HECTD4: variants seen among roughly 807,000 people sequenced by gnomAD.
HECTD4 encodes the protein probable E3 ubiquitin-protein ligase HECTD4.
Under a neutral mutation model 471.5 loss-of-function variants are expected in HECTD4, and 114 were observed. That is an observed-to-expected ratio of 0.24 (90% CI 0.21 to 0.28). The LOEUF is 0.28. HECTD4 is among the 10% of genes least tolerant of loss of function. The pLI is 1.00. For missense variants in HECTD4, 3,866 were observed against 5,651.5 expected (o/e 0.68, Z 10.13); for synonymous variants, 2,012 against 2,256.0 (o/e 0.89, Z 3.07).
chr12:112,265,852 G>C, intron 15 of HECTD4, 26 bp downstream of exon 15: 1 of 1,527,892 alleles, frequency 6.5e-7, no homozygotes, highest in Middle Eastern at 1.7e-4. Context: ...ACAAAGGCTA[G>C]AAGTGAATAA....
At chr12:112,374,515 T>C (rs2036742940) in intron 1 of HECTD4, among the ~76,000 whole-genome samples, 1 of 152,212 alleles carries the variant, frequency 6.6e-6, no homozygotes, top group Non-Finnish European at 1.5e-5. Flanking sequence ...TGAAAGCCTG[T>C]TGGGCCTTTT....
At chr12:112,316,167 G>A (rs1473659136) in intron 2 of HECTD4, among the ~76,000 whole-genome samples, 1 of 151,970 alleles carries the variant, frequency 6.6e-6, no homozygotes, top group East Asian at 1.9e-4. Context: ...CCTGCCCACT[G>A]TGCTGTCCCC....
At position 112,322,469 on chromosome 12, in the gene HECTD4, AAG is replaced by A. The variant is rs1460622661; in HGVS notation, c.178-2729_178-2728del. The A allele has an allele frequency of 2.6e-5, 4 of 153,236 alleles. No individual in the cohort carries two copies. In the Admixed American group the frequency reaches 2.6e-4, roughly 10 times the overall value. 9.5% of individuals were successfully genotyped at this position (153,236 alleles called of 1,614,324 possible). Reference sequence around the variant, plus strand: ...GTTGAATGAAACACATCATCTACAAAAGAAGTAGGAATGGCTGCTCTGGAAAA... The same window carrying A: ...GTTGAATGAAACACATCATCTACAAAAAGTAGGAATGGCTGCTCTGGAAAA... On this transcript the variant is annotated intron_variant, in intron 1 of 75. Coordinates refer to ENST00000682272, the MANE Select transcript of HECTD4 (RefSeq NM_001388303.1).
chr12:112,258,734 C>A, intron 19 of HECTD4, 138 bp from the exon 20 acceptor site: 1 of 633,794 alleles, frequency 1.6e-6, no homozygotes, highest in Non-Finnish European at 2.6e-6. Flanking sequence ...AAATGCTGTG[C>A]TACTTAGACC....
At chr12:112,282,343 A>G (rs944173864) in intron 8 of HECTD4, among the ~76,000 whole-genome samples, 1 of 152,198 alleles carries the variant, frequency 6.6e-6, no homozygotes, top group Non-Finnish European at 1.5e-5. Flanking sequence ...AGATCGCGCC[A>G]CTGCACTCCA....
At chr12:112,242,486 G>A (rs7971355) in intron 32 of HECTD4, among the ~76,000 whole-genome samples, 2,614 of 151,670 alleles carry the variant, frequency 0.017, 27 homozygotes, top group Non-Finnish European at 0.028. Context: ...GGTGGTATGC[G>A]CCTATAGTCC....
chr12:112,357,525 A>C (rs2036363902), intron 1 of HECTD4, among the ~76,000 whole-genome samples: 1 of 152,102 alleles, frequency 6.6e-6, no homozygotes, highest in Non-Finnish European at 1.5e-5. Flanking sequence ...CAAACAAACA[A>C]ACTACTAAAG....
intron 62 of HECTD4, among the ~76,000 whole-genome samples, chr12:112,180,844 C>T (rs1000508347): frequency 6.6e-6 from 1 of 152,038 alleles, no homozygotes; most frequent in South Asian, 2.1e-4. Flanking sequence ...GTGAGCCCAC[C>T]GAGGTCTTTG....
Position 112,243,319 on chromosome 12 carries a change from G to C in HECTD4, c.4958+34C>G. The C allele has an allele frequency of 6.3e-7, 1 of 1,587,568 alleles. No individual in the cohort carries two copies. The stretch of plus-strand genomic sequence containing the variant: ...CTTTTGAATGGCTCTGACCATTCTA[G>C]AAAGGACAGTATAAACTAACAGAAA... On this transcript the variant is annotated intron_variant, in intron 32 of 75. Coordinates refer to ENST00000682272, the MANE Select transcript of HECTD4 (RefSeq NM_001388303.1). This position sits in a 1 kb window ranked among gnomAD's most constrained non-coding sequence, Gnocchi z 6.6.
At chr12:112,358,543 T>C (rs2036387827) in intron 1 of HECTD4, among the ~76,000 whole-genome samples, 1 of 152,144 alleles carries the variant, frequency 6.6e-6, no homozygotes, top group Non-Finnish European at 1.5e-5. Flanking sequence ...AAGGTACAAA[T>C]AGCATATATA....
In HECTD4 at chr12:112,184,122, T is replaced by G; in HGVS notation, c.10779+65A>C. On this transcript the variant is annotated intron_variant, in intron 61 of 75. Coordinates refer to ENST00000682272, the MANE Select transcript of HECTD4 (RefSeq NM_001388303.1). This position sits in a 1 kb window ranked among gnomAD's most constrained non-coding sequence, Gnocchi z 9.1. Reference sequence around the variant, plus strand: ...TACTAGGAAATAACTTTGGAAGATTTAAAGAGGCTTGGGGGATTGAAATGG... The same window carrying G: ...TACTAGGAAATAACTTTGGAAGATTGAAAGAGGCTTGGGGGATTGAAATGG... The G allele has an allele frequency of 2.1e-6, 3 of 1,427,768 alleles. No homozygotes were observed. Among genetic ancestry groups the G allele is most frequent in the Admixed American group, 2.1e-5 (1 of 47,754 alleles). The allele number at this position is 1,427,768 out of a possible 1,614,324, so 88.4% of individuals were successfully genotyped here.
At chr12:112,178,797 G>A in intron 64 of HECTD4, 134 bp downstream of exon 64, 1 of 1,052,002 alleles carries the variant, frequency 9.5e-7, no homozygotes. Flanking sequence ...ACTCCAGCCT[G>A]GGCGACAAAG....
intron 7 of HECTD4, among the ~76,000 whole-genome samples, chr12:112,293,285 A>T (rs1432985869): frequency 6.6e-6 from 1 of 151,084 alleles, no homozygotes; most frequent in Admixed American, 6.6e-5. Context: ...GAATCGCTTG[A>T]ACATGGGAGG....
chr12:112,311,799 G>A (rs2035377538), intron 4 of HECTD4, among the ~76,000 whole-genome samples: 1 of 152,128 alleles, frequency 6.6e-6, no homozygotes. Context: ...TTTAAAAGGA[G>A]AGAATCAAGA....
chr12:112,262,664 G>GATCA (rs2034177067), intron 17 of HECTD4, among the ~76,000 whole-genome samples: 3 of 151,538 alleles, frequency 2.0e-5, no homozygotes. Context: ...CACCCAGGCT[G>GATCA]GAGTGCAGTG....
chr12:112,243,629 A>G lies in HECTD4; in HGVS notation c.4782T>C (p.Pro1594=), dbSNP rs2033690569. 1 of 1,611,118 alleles carries G rather than the reference A, an allele frequency of 6.2e-7. No homozygotes were observed. Among genetic ancestry groups the G allele is most frequent in the South Asian group, 1.1e-5 (1 of 90,664 alleles). ...GCAAAATGTGACGTACAGCTTGGTCAGGGTTGGTGCCGATGAAAGCAAACA... is the reference window on the plus strand; with the variant it reads ...GCAAAATGTGACGTACAGCTTGGTCGGGGTTGGTGCCGATGAAAGCAAACA... ...GQLFAFIGTN[P]DQAVSSSSFL... is the part of the protein sequence containing the mutation. Residue 1594 remains proline, a synonymous_variant, in exon 31 of 76, where the codon CCT becomes CCC. Transcript: ENST00000682272. The surrounding 1 kb of genome is among the most constrained non-coding windows in gnomAD (Gnocchi z 6.6).
chr12:112,382,334 G>A lies in HECTD4; in HGVS notation c.-206C>T. On this transcript the variant is annotated 5_prime_UTR_variant, in exon 1 of 76. Transcript: ENST00000682272. ...CCCGGGAGACCCCGGCCCTGCCGCC[G>A]CCGCCGCCGCCGCCGCCGCCGCCGC... The A allele has an allele frequency of 5.1e-6, 2 of 388,736 alleles. No homozygotes were observed. Among genetic ancestry groups the A allele is most frequent in the Middle Eastern group, 7.5e-4 (1 of 1,340 alleles). 24.1% of individuals were successfully genotyped at this position (388,736 alleles called of 1,614,324 possible).
intron 7 of HECTD4, among the ~76,000 whole-genome samples, chr12:112,296,910 G>A (rs1169609110): frequency 2.7e-5 from 4 of 150,718 alleles, no homozygotes; most frequent in Non-Finnish European, 4.4e-5. Flanking sequence ...TGCAGATGGT[G>A]TAGGTGCAGA....
At chr12:112,354,647 T>C (rs1211780739) in intron 1 of HECTD4, among the ~76,000 whole-genome samples, 1 of 151,882 alleles carries the variant, frequency 6.6e-6, no homozygotes, top group African/African-American at 2.4e-5. Context: ...GATTGCGCCA[T>C]TGCACACCAG....
Sources: allele counts gnomAD v4.1 joint callset (sites outside exome capture counted in the v4.1 genomes callset), GRCh38; gene constraint gnomAD v4.1.1; non-coding constraint Gnocchi (gnomAD v3.1); transcripts MANE v1.5; gene names NCBI Gene and HGNC (gene_info 2026-07-23, HGNC 2026-07-21).